SLC25A18: variants seen among roughly 807,000 people sequenced by gnomAD.
SLC25A18 encodes the protein mitochondrial glutamate carrier 2.
Under a neutral mutation model 31.1 loss-of-function variants are expected in SLC25A18, and 24 were observed. The observed-to-expected ratio is 0.77, with a 90% CI of 0.56 to 1.08. The LOEUF (loss-of-function observed/expected upper bound fraction) is 1.08, where lower values mean the gene tolerates loss of function less well. Among genes scored for constraint, SLC25A18 ranks in the 50% least tolerant of loss-of-function variants. SLC25A18 has a pLI of 0.00. For synonymous variants in SLC25A18, 173 were observed against 161.9 expected, an observed-to-expected ratio of 1.07 and a Z score of -0.52; for missense variants, 371 against 418.5, an observed-to-expected ratio of 0.89 and a Z score of 0.99.
At chr22:17,583,316 C>T (rs377498925) in intron 6 of SLC25A18, 100 bp from the exon 7 acceptor site, 49 of 1,481,028 alleles carry the variant, frequency 3.3e-5, no homozygotes, top group South Asian at 8.4e-5. Context: ...GTGGCAGCCA[C>T]GGGTGCCATC....
In SLC25A18 at chr22:17,583,371, G is replaced by A. The variant is rs776068363; in HGVS notation, c.291-45G>A. The stretch of plus-strand genomic sequence containing the variant: ...ACAAGAGGGCAGCTGCACCAGGGCA[G>A]GCCTGTGGCCTGCGGCTGAAGGAGC... On this transcript the variant is annotated intron_variant, in intron 6 of 10. Transcript: ENST00000327451. The A allele has an allele frequency of 2.5e-6, 4 of 1,612,164 alleles. No homozygotes were observed. The East Asian group carries it at 6.7e-5, about 27-fold the overall frequency.
At chr22:17,569,560 G>A (rs1037095074) in intron 1 of SLC25A18, 23 of 962,168 alleles carry the variant, frequency 2.4e-5, no homozygotes, top group Non-Finnish European at 2.8e-5. Flanking sequence ...AAGTGTTTGC[G>A]TTGCATTGAT....
At chr22:17,575,556 T>C (rs2057210524) in intron 2 of SLC25A18, among the ~76,000 whole-genome samples, 1 of 152,182 alleles carries the variant, frequency 6.6e-6, no homozygotes, top group Non-Finnish European at 1.5e-5. Context: ...AGAGGCTGCA[T>C]ACACTTTAAA....
intron 2 of SLC25A18, among the ~76,000 whole-genome samples, chr22:17,578,591 G>T (rs1404788370): frequency 6.6e-6 from 1 of 152,206 alleles, no homozygotes; most frequent in East Asian, 1.9e-4. Context: ...CCCAAGCAGA[G>T]AGCGTCCGGA....
intron 8 of SLC25A18, 195 bp from the exon 9 acceptor site, chr22:17,587,730 C>T (rs8138249): frequency 6.0e-5 from 39 of 646,500 alleles, no homozygotes; most frequent in East Asian, 8.4e-5. Flanking sequence ...GGAGCTGGGA[C>T]GGCGGAACAG....
At chr22:17,572,131 G>A (rs563992180) in intron 2 of SLC25A18, among the ~76,000 whole-genome samples, 1 of 152,146 alleles carries the variant, frequency 6.6e-6, no homozygotes, top group Non-Finnish European at 1.5e-5. Context: ...GGGTTGCAGC[G>A]AGCCGAGATC....
At chr22:17,587,347 C>A in intron 8 of SLC25A18, 46 bp downstream of exon 8, 1 of 1,564,154 alleles carries the variant, frequency 6.4e-7, no homozygotes, top group South Asian at 1.2e-5. Context: ...CGGGGGAGGG[C>A]ACGAGGGCCA....
chr22:17,567,751 C>G (rs1160702468), intron 1 of SLC25A18, among the ~76,000 whole-genome samples: 1 of 148,088 alleles, frequency 6.8e-6, no homozygotes, highest in Non-Finnish European at 1.5e-5. Flanking sequence ...GTCTCCAAAA[C>G]TCCAAGAAAC....
chr22:17,574,723 T>C (rs2057185688), intron 2 of SLC25A18, among the ~76,000 whole-genome samples: 1 of 150,812 alleles, frequency 6.6e-6, no homozygotes, highest in African/African-American at 2.5e-5. Flanking sequence ...AGTTTCACTA[T>C]GTTGGCCAGG....
chr22:17,587,054 G>A (rs546802283), intron 7 of SLC25A18, 82 bp from the exon 8 acceptor site: 3 of 1,486,942 alleles, frequency 2.0e-6, no homozygotes, highest in East Asian at 4.5e-5. Flanking sequence ...TGTCCCAGGG[G>A]CAGGGATTGA....
intron 1 of SLC25A18, among the ~76,000 whole-genome samples, chr22:17,568,046 T>TA (rs1370811064): frequency 1.6e-4 from 25 of 151,924 alleles, no homozygotes; most frequent in Admixed American, 1.6e-3. Context: ...GCTAGTAACT[T>TA]ACAACTTTTT....
Position 17,590,253 on chromosome 22 carries a change from A to C in SLC25A18, c.*17A>C, listed in dbSNP as rs756013767. The C allele has an allele frequency of 3.7e-6, 6 of 1,614,134 alleles. No individual in the cohort carries two copies. Among genetic ancestry groups the C allele is most frequent in the Non-Finnish European group, 4.2e-6 (5 of 1,179,988 alleles). ...TTTGACTAGACAGAGCTGGAGGTCA[A>C]GTCCCTGCGCTTGCCGCCCTCTCTC... On this transcript the variant is annotated 3_prime_UTR_variant, in exon 11 of 11. Transcript: ENST00000327451.
At chr22:17,580,574 T>G in intron 3 of SLC25A18, 1 of 991,290 alleles carries the variant, frequency 1.0e-6, no homozygotes, top group Non-Finnish European at 1.2e-6. Context: ...ACGGTTTCCA[T>G]AGTCCTCAGC....
chr22:17,567,032 C>G (rs1048219951), intron 1 of SLC25A18, among the ~76,000 whole-genome samples: 1 of 152,190 alleles, frequency 6.6e-6, no homozygotes, highest in Non-Finnish European at 1.5e-5. Context: ...GGCATAGTGG[C>G]ATGCCTGTAA....
Position 17,574,607 on chromosome 22 carries a change from C to T in SLC25A18, c.-201+4621C>T, listed in dbSNP as rs2057181581. On this transcript the variant is annotated intron_variant, in intron 2 of 10. Transcript: ENST00000327451. The stretch of plus-strand genomic sequence containing the variant: ...TTTCGGCTCACTGCAATCACCACCT[C>T]CCGGGTTCAAGCGATTCTCCTGCGT... Among the ~76,000 whole-genome samples the T allele has an allele frequency of 2.0e-5, 3 of 150,224 alleles. 1 individual carries two copies. The highest frequency in any genetic ancestry group is 7.5e-5 in the African/African-American group (3 of 40,264).
intron 1 of SLC25A18, among the ~76,000 whole-genome samples, chr22:17,568,598 G>C (rs1305869907): frequency 3.0e-5 from 3 of 98,416 alleles, no homozygotes; most frequent in Non-Finnish European, 5.4e-5. Context: ...GTCTCACTCT[G>C]TCACCCAGGC....
chr22:17,583,346 A>C (rs1021745872), intron 6 of SLC25A18, 70 bp from the exon 7 acceptor site: 9 of 1,586,998 alleles, frequency 5.7e-6, no homozygotes, highest in Non-Finnish European at 6.9e-6. Context: ...TCCCCCTCTC[A>C]CAAGAGGGCA....
At chr22:17,577,265 G>A (rs886676490) in intron 2 of SLC25A18, among the ~76,000 whole-genome samples, 1 of 151,670 alleles carries the variant, frequency 6.6e-6, no homozygotes, top group Non-Finnish European at 1.5e-5. Flanking sequence ...CCTGTGATCC[G>A]CCCGCCTCAG....
chr22:17,584,423 G>GAAAGAAAGAAAGA (rs58573353), intron 7 of SLC25A18, among the ~76,000 whole-genome samples: 5 of 111,646 alleles, frequency 4.5e-5, no homozygotes, highest in African/African-American at 7.0e-5. Flanking sequence ...AAGAAAGAAA[G>GAAAGAAAGAAAGA]AAGGAAGGAA....
Sources: gnomAD v4.1 joint callset for allele counts (sites outside exome capture counted in the v4.1 genomes callset) on GRCh38, gnomAD v4.1.1 for gene constraint, MANE v1.5 for transcripts, NCBI Gene and HGNC (gene_info 2026-07-23, HGNC 2026-07-21) for gene names.